The following STK32B variants were observed in gnomAD, a reference collection of about 807,000 sequenced individuals.
The protein encoded by STK32B is serine/threonine-protein kinase 32B.
Under a neutral mutation model 52.6 loss-of-function variants are expected in STK32B, and 43 were observed. The observed-to-expected ratio is 0.82, with a 90% confidence interval of 0.64 to 1.05. The LOEUF is 1.05. STK32B is among the 50% of genes least tolerant of loss of function. STK32B has a pLI of 0.00. For missense variants in STK32B, 621 were observed against 534.6 expected (o/e 1.16, Z -1.59); for synonymous variants, 238 against 204.3 (o/e 1.17, Z -1.41).
chr4:5,333,826 T>G (rs904955294), intron 4 of STK32B, among the ~76,000 whole-genome samples: 3 of 152,226 alleles, frequency 2.0e-5, no homozygotes, highest in African/African-American at 7.2e-5. Flanking sequence ...TTGTGTTCCA[T>G]TGATGTATAT....
chr4:5,276,558 A>G (rs1727837092), intron 3 of STK32B, among the ~76,000 whole-genome samples: 2 of 152,136 alleles, frequency 1.3e-5, no homozygotes, highest in Admixed American at 6.5e-5. Context: ...CATGTTGCAG[A>G]TTCTTTGCTG....
At chr4:5,494,967 C>G (rs1377761365) in intron 11 of STK32B, among the ~76,000 whole-genome samples, 2 of 152,150 alleles carry the variant, frequency 1.3e-5, no homozygotes, top group Non-Finnish European at 2.9e-5. Flanking sequence ...ATGGGCTTCC[C>G]TTTGTGGGTA....
chr4:5,215,829 C>G (rs1577202931), intron 3 of STK32B, among the ~76,000 whole-genome samples: 1 of 152,236 alleles, frequency 6.6e-6, no homozygotes. Context: ...ACTCCCTTCT[C>G]CAGTGTTCAA....
the STK32B span, among the ~76,000 whole-genome samples, chr4:5,020,274 C>T: frequency 3.9e-5 from 6 of 152,196 alleles, no homozygotes; most frequent in Non-Finnish European, 2.9e-5. Context: ...GCAGGGTCAC[C>T]GCCTTCTGGC....
At chr4:5,299,044 G>A (rs1729387732) in intron 3 of STK32B, among the ~76,000 whole-genome samples, 1 of 151,934 alleles carries the variant, frequency 6.6e-6, no homozygotes, top group South Asian at 2.1e-4. Context: ...CTTGGCTAGG[G>A]GAGGGAGTTA....
chr4:5,056,974 C>T (rs188108705), intron 1 of STK32B, among the ~76,000 whole-genome samples: 120 of 152,316 alleles, frequency 7.9e-4, no homozygotes, highest in Non-Finnish European at 1.6e-3. Flanking sequence ...AGATTGGGAC[C>T]CTTTGGTGTA....
chr4:5,445,035 A>C (rs113496398), intron 6 of STK32B, among the ~76,000 whole-genome samples: 3 of 152,190 alleles, frequency 2.0e-5, no homozygotes, highest in African/African-American at 4.8e-5. Flanking sequence ...AATTCAGCAG[A>C]CCTGTAAGGT....
intron 4 of STK32B, among the ~76,000 whole-genome samples, chr4:5,347,707 A>G (rs935737292): frequency 6.6e-6 from 1 of 152,078 alleles, no homozygotes; most frequent in Non-Finnish European, 1.5e-5. Context: ...ATGGGGGTGG[A>G]TTTCCTCCTT....
intron 11 of STK32B, among the ~76,000 whole-genome samples, chr4:5,492,268 G>T (rs564289971): frequency 4.7e-4 from 71 of 152,274 alleles, no homozygotes; most frequent in African/African-American, 1.7e-3. Flanking sequence ...GCAGTGGCTT[G>T]TAGTTCTCCT....
chr4:5,306,931 A>G (rs186501571), intron 3 of STK32B, among the ~76,000 whole-genome samples: 1 of 152,146 alleles, frequency 6.6e-6, no homozygotes, highest in East Asian at 1.9e-4. Flanking sequence ...TCTTGGCTGA[A>G]AACTGTTTTG....
intron 3 of STK32B, among the ~76,000 whole-genome samples, chr4:5,171,524 A>G (rs1240115001): frequency 6.6e-6 from 1 of 152,120 alleles, no homozygotes; most frequent in African/African-American, 2.4e-5. Context: ...CTTTCTCCAT[A>G]TGGCTAGCCA....
intron 3 of STK32B, among the ~76,000 whole-genome samples, chr4:5,327,510 C>T (rs999794126): frequency 1.9e-4 from 29 of 151,902 alleles, no homozygotes; most frequent in African/African-American, 6.5e-4. Context: ...TAATCTTGTA[C>T]ATCTCCATCT....
At chr4:5,111,958 G>C (rs1305510105) in intron 1 of STK32B, among the ~76,000 whole-genome samples, 1 of 152,116 alleles carries the variant, frequency 6.6e-6, no homozygotes, top group Non-Finnish European at 1.5e-5. Context: ...GTACCACTGT[G>C]GGCATGTGCA....
chr4:5,254,232 C>G (rs1726146126), intron 3 of STK32B, among the ~76,000 whole-genome samples: 1 of 152,130 alleles, frequency 6.6e-6, no homozygotes, highest in Non-Finnish European at 1.5e-5. Flanking sequence ...TCTGTAGGCT[C>G]TGTAATGTCC....
intron 5 of STK32B, among the ~76,000 whole-genome samples, chr4:5,408,954 A>G (rs58108078): frequency 0.038 from 5,773 of 152,196 alleles, 361 homozygotes; most frequent in African/African-American, 0.13. Flanking sequence ...TAGGAAGACA[A>G]TGGGGCTCAG....
In STK32B at chr4:5,398,365, C is replaced by T; in HGVS notation, c.472+121C>T. On this transcript the variant is annotated intron_variant, in intron 5 of 11. Transcript: ENST00000282908. The surrounding 1 kb of genome is among the most constrained non-coding windows in gnomAD (Gnocchi z 4.9). ...GACATTAGCATTGGCTAGAAACCTTCTCTTGTTTCAATCCTGGTGGATCAA... is the reference window on the plus strand; with the variant it reads ...GACATTAGCATTGGCTAGAAACCTTTTCTTGTTTCAATCCTGGTGGATCAA... 1 of 1,005,890 alleles carries T rather than the reference C, an allele frequency of 9.9e-7. No individual in the cohort carries two copies. Among genetic ancestry groups the T allele is most frequent in the Non-Finnish European group, 1.5e-6 (1 of 667,154 alleles). The allele number at this position is 1,005,890 out of a possible 1,614,324, so 62.3% of individuals were successfully genotyped here.
intron 4 of STK32B, among the ~76,000 whole-genome samples, chr4:5,359,144 C>A (rs894673697): frequency 2.0e-5 from 3 of 152,044 alleles, no homozygotes; most frequent in African/African-American, 7.2e-5. Flanking sequence ...TTTTTGAAAC[C>A]GTTCCTTAAA....
At chr4:5,220,752 A>G (rs1560235326) in intron 3 of STK32B, among the ~76,000 whole-genome samples, 3 of 152,162 alleles carry the variant, frequency 2.0e-5, no homozygotes, top group East Asian at 3.9e-4. Context: ...CCATGGCAGC[A>G]CAGAATTGAG....
At chr4:5,189,354 G>A (rs910255281) in intron 3 of STK32B, among the ~76,000 whole-genome samples, 2 of 152,198 alleles carry the variant, frequency 1.3e-5, no homozygotes, top group Non-Finnish European at 2.9e-5. Flanking sequence ...GATCTTTTCA[G>A]TGTTTTCAGA....
Sources: gnomAD v4.1 joint callset for allele counts (sites outside exome capture counted in the v4.1 genomes callset) on GRCh38, gnomAD v4.1.1 for gene constraint, Gnocchi (gnomAD v3.1) non-coding constraint, MANE v1.5 for transcripts, NCBI Gene and HGNC (gene_info 2026-07-23, HGNC 2026-07-21) for gene names.